Variants in SLIT3 observed in about 807,000 individuals in gnomAD.
SLIT3 encodes slit guidance ligand 3.
Under a neutral mutation model 184.0 loss-of-function variants are expected in SLIT3, and 68 were observed. That is an observed-to-expected ratio of 0.37 (90% CI 0.30 to 0.45). The LOEUF (loss-of-function observed/expected upper bound fraction) is 0.45. SLIT3 is among the 20% of genes least tolerant of loss of function. The pLI, the probability that SLIT3 is intolerant of heterozygous loss-of-function variation, is 1.00. For missense variants in SLIT3, 1,707 were observed against 2,026.0 expected, an observed-to-expected ratio of 0.84 and a Z score of 3.02; for synonymous variants, 831 against 828.6, an observed-to-expected ratio of 1.00 and a Z score of -0.05.
At chr5:169,261,442 C>T (rs1417468775) in intron 1 of SLIT3, among the ~76,000 whole-genome samples, 1 of 152,058 alleles carries the variant, frequency 6.6e-6, no homozygotes, top group African/African-American at 2.4e-5. Context: ...TCTTCCCTTC[C>T]TTCTTTCTTC....
rs772929998 is a variant in SLIT3 at position 168,722,280 on chromosome 5, T to A, written c.2459A>T (p.Asn820Ile). Residue 820 changes from asparagine (N) to isoleucine (I), a missense_variant, in exon 23 of 36, where the codon AAC becomes ATC. Around this residue, in one of 3 missense-constraint regions of SLIT3, gnomAD observed 1,307 missense variants for 1,511.6 expected, o/e 0.86. Transcript: ENST00000519560. ...CAGCACTCGCAGGGACCGCAGCCCG[T>A]TGAAGGCGTGGACGGGGATGCACCT... ...RLRCIPVHAFNGLRSLRVLTL... is the reference protein window; with the variant it reads ...RLRCIPVHAFIGLRSLRVLTL... 1 of 1,614,148 alleles carries A rather than the reference T, an allele frequency of 6.2e-7. No individual in the cohort carries two copies.
intron 5 of SLIT3, among the ~76,000 whole-genome samples, chr5:168,845,400 A>G (rs559112689): frequency 1.3e-5 from 2 of 152,312 alleles, no homozygotes; most frequent in South Asian, 4.1e-4. Flanking sequence ...AGCGTTCATG[A>G]AGAGGGGAAG....
At chr5:169,120,934 G>A (rs1760852367) in intron 4 of SLIT3, among the ~76,000 whole-genome samples, 1 of 152,042 alleles carries the variant, frequency 6.6e-6, no homozygotes, top group Non-Finnish European at 1.5e-5. Context: ...TATAAGCCCA[G>A]CCCCCATTCC....
chr5:168,984,843 T>C (rs1308713124), intron 4 of SLIT3, among the ~76,000 whole-genome samples: 1 of 152,140 alleles, frequency 6.6e-6, no homozygotes, highest in Non-Finnish European at 1.5e-5. Flanking sequence ...AGGCTGCTTG[T>C]TAAACACCAG....
Position 168,748,250 on chromosome 5 carries a change from T to C in SLIT3, c.2270+52A>G, listed in dbSNP as rs151002917. On this transcript the variant is annotated intron_variant, in intron 20 of 35. Coordinates refer to ENST00000519560, the MANE Select transcript of SLIT3 (RefSeq NM_003062.4). ...AGATTCTGGGGTAAAGTATGGAGGATGCTGCTGGTGGTGAGATGACAGGGT... is the reference window on the plus strand; with the variant it reads ...AGATTCTGGGGTAAAGTATGGAGGACGCTGCTGGTGGTGAGATGACAGGGT... The C allele has an allele frequency of 2.4e-3, 3,378 of 1,434,786 alleles. 70 individuals are homozygous for C. In the African/African-American group the frequency reaches 0.043, roughly 18 times the overall value. The allele number at this position is 1,434,786 out of a possible 1,614,324, so 88.9% of individuals were successfully genotyped here. A position where few individuals can be genotyped will look rare whatever the true frequency, so the allele number is the denominator to read the frequency against.
At chr5:168,882,131 C>T (rs1759976961) in intron 5 of SLIT3, among the ~76,000 whole-genome samples, 1 of 152,164 alleles carries the variant, frequency 6.6e-6, no homozygotes, top group Admixed American at 6.5e-5. Flanking sequence ...TGCCAGTAAA[C>T]TAAAACCCCT....
intron 23 of SLIT3, among the ~76,000 whole-genome samples, chr5:168,721,160 G>A (rs1762930441): frequency 6.6e-6 from 1 of 152,152 alleles, no homozygotes; most frequent in South Asian, 2.1e-4. Context: ...TAGGTTTGGG[G>A]GCGGAGTATC....
chr5:168,975,776 C>T lies in SLIT3; in HGVS notation c.414-92440G>A, dbSNP rs570672337. Among the ~76,000 whole-genome samples the T allele has an allele frequency of 7.4e-4, 112 of 152,248 alleles. 1 individual carries two copies. Among genetic ancestry groups the T allele is most frequent in the African/African-American group, 2.5e-3 (103 of 41,528 alleles). On this transcript the variant is annotated intron_variant, in intron 4 of 35. Coordinates refer to ENST00000519560, the MANE Select transcript of SLIT3 (RefSeq NM_003062.4). ...ACCTGTTCCTCACTCCACCTCCTTC[C>T]GTTTCATTAGGCAGAACAATTTAAC...
At chr5:168,781,561 C>T (rs979877070) in intron 12 of SLIT3, among the ~76,000 whole-genome samples, 8 of 152,182 alleles carry the variant, frequency 5.3e-5, no homozygotes, top group African/African-American at 1.9e-4. Context: ...GATTGGGTCT[C>T]TAAACACAAG....
intron 4 of SLIT3, among the ~76,000 whole-genome samples, chr5:169,061,108 T>TA (rs1229505219): frequency 1.3e-5 from 2 of 152,222 alleles, no homozygotes; most frequent in Non-Finnish European, 2.9e-5. Context: ...AATAATCCAC[T>TA]AGCACGGTTC....
At chr5:169,079,613 AAGGAGGAGAGAAG>A (rs1758899598) in intron 4 of SLIT3, among the ~76,000 whole-genome samples, 2 of 65,758 alleles carry the variant, frequency 3.0e-5, no homozygotes, top group Admixed American at 1.8e-4. Flanking sequence ...GAGGAGGAGG[AAGGAGGAGAGAAG>A]AGGAGGAGGG....
intron 4 of SLIT3, among the ~76,000 whole-genome samples, chr5:169,056,521 G>A (rs1343370247): frequency 6.6e-6 from 1 of 152,004 alleles, no homozygotes; most frequent in African/African-American, 2.4e-5. Context: ...CCATCGATAG[G>A]TTTGACTTAC....
At chr5:168,768,327 A>G in intron 14 of SLIT3, 1 of 464,808 alleles carries the variant, frequency 2.2e-6, no homozygotes, top group South Asian at 1.5e-5. Context: ...GAGAAGCGGA[A>G]GCCGGAGCAG....
chr5:169,223,135 G>C (rs911398168), intron 3 of SLIT3, among the ~76,000 whole-genome samples: 6 of 152,120 alleles, frequency 3.9e-5, no homozygotes, highest in Non-Finnish European at 8.8e-5. Context: ...TTAAACCAGA[G>C]AGAATTCCCA....
intron 3 of SLIT3, among the ~76,000 whole-genome samples, chr5:169,194,864 G>T (rs1210766096): frequency 6.6e-6 from 1 of 152,194 alleles, no homozygotes; most frequent in African/African-American, 2.4e-5. Flanking sequence ...TGATCTCCAT[G>T]AAGGCTGCTT....
At chr5:168,918,147 A>C (rs1761506104) in intron 4 of SLIT3, among the ~76,000 whole-genome samples, 1 of 152,094 alleles carries the variant, frequency 6.6e-6, no homozygotes, top group South Asian at 2.1e-4. Context: ...TGTCAAGTTG[A>C]TATAATAAAC....
intron 4 of SLIT3, among the ~76,000 whole-genome samples, chr5:169,144,834 A>G (rs1411816236): frequency 6.6e-6 from 1 of 152,232 alleles, no homozygotes; most frequent in Non-Finnish European, 1.5e-5. Flanking sequence ...CCTACCCTGC[A>G]ACAGCAGTTA....
intron 4 of SLIT3, among the ~76,000 whole-genome samples, chr5:168,959,278 AGTGAGGGG>A (rs998322526): frequency 6.6e-6 from 1 of 152,172 alleles, no homozygotes; most frequent in Non-Finnish European, 1.5e-5. Flanking sequence ...TCCATCTGTA[AGTGAGGGG>A]GTATGCCTGT....
At chr5:168,913,235 A>G (rs1761312486) in intron 4 of SLIT3, among the ~76,000 whole-genome samples, 1 of 151,886 alleles carries the variant, frequency 6.6e-6, no homozygotes, top group Non-Finnish European at 1.5e-5. Flanking sequence ...CATTATTTCT[A>G]ATGGCAAAAA....
Sources: gnomAD v4.1 joint callset for allele counts (sites outside exome capture counted in the v4.1 genomes callset) on GRCh38, gnomAD v4.1.1 for gene constraint, gnomAD v4.1.1 regional missense constraint, MANE v1.5 for transcripts, NCBI Gene and HGNC (gene_info 2026-07-23, HGNC 2026-07-21) for gene names.